The following OCA2 variants were observed in gnomAD, a reference collection of about 807,000 sequenced individuals.
The protein encoded by OCA2 is OCA2 melanosomal transmembrane protein.
OCA2 carries 77 observed loss-of-function variants against 100.2 expected under a neutral mutation model. The observed-to-expected ratio is 0.77, with a 90% CI of 0.64 to 0.93. OCA2 has a LOEUF of 0.93. Ranked by LOEUF, OCA2 falls within the 40% of genes least tolerant of loss-of-function variation. The pLI is 0.00. For synonymous variants in OCA2, 432 were observed against 439.2 expected (o/e 0.98, Z 0.21); for missense variants, 1,062 against 1,089.1 (o/e 0.98, Z 0.35).
intron 2 of OCA2, among the ~76,000 whole-genome samples, chr15:28,078,335 C>T (rs2044500941): frequency 6.6e-6 from 1 of 152,196 alleles, no homozygotes; most frequent in South Asian, 2.1e-4. Context: ...CTGAGTGGCT[C>T]CCAGGAATTG....
intron 19 of OCA2, among the ~76,000 whole-genome samples, chr15:27,913,920 CAAGCAAGCAAGA>C (rs1168756912): frequency 9.1e-4 from 53 of 58,112 alleles, no homozygotes; most frequent in Middle Eastern, 8.3e-3. Context: ...AGCAAGCAAG[CAAGCAAGCAAGA>C]AAGAAAGAAA....
the OCA2 span, among the ~76,000 whole-genome samples, chr15:27,725,385 T>C: frequency 6.6e-6 from 1 of 152,160 alleles, no homozygotes; most frequent in Admixed American, 6.5e-5. Flanking sequence ...AAGATCAGCC[T>C]GGCCAACATG....
chr15:28,009,617 G>T (rs1386400480), intron 9 of OCA2, among the ~76,000 whole-genome samples: 1 of 151,360 alleles, frequency 6.6e-6, no homozygotes, highest in Non-Finnish European at 1.5e-5. Context: ...GAACCCACAA[G>T]GCGCAGGTTG....
At chr15:27,950,439 T>A in intron 18 of OCA2, 1 of 446,902 alleles carries the variant, frequency 2.2e-6, no homozygotes, top group East Asian at 6.0e-5. Context: ...ATCCACCAAA[T>A]ACAATTGAAA....
chr15:27,835,558 G>T (rs1415024101), intron 23 of OCA2, among the ~76,000 whole-genome samples: 1 of 152,224 alleles, frequency 6.6e-6, no homozygotes, highest in East Asian at 1.9e-4. Context: ...GTAGAGTTAG[G>T]CGTGAAATCG....
rs147656829 is a variant in OCA2 at position 28,059,559 on chromosome 15, A to C, written c.227+22089T>G. On this transcript the variant is annotated intron_variant, in intron 2 of 23. Coordinates refer to ENST00000354638, the MANE Select transcript of OCA2 (RefSeq NM_000275.3). ...CTGTCTCAGAAATAGTAATAATAATAATCATCATCATCATAAGACAAATCT... is the reference window on the plus strand; with the variant it reads ...CTGTCTCAGAAATAGTAATAATAATCATCATCATCATCATAAGACAAATCT... 7.7e-3 allele frequency among the ~76,000 whole-genome samples: 1,168 copies of C among 152,300 alleles called. 6 individuals carry two copies. Among genetic ancestry groups the C allele is most frequent in the Middle Eastern group, 0.014 (4 of 294 alleles).
intron 21 of OCA2, among the ~76,000 whole-genome samples, chr15:27,865,790 C>T (rs1164206243): frequency 3.3e-5 from 5 of 152,158 alleles, no homozygotes; most frequent in Admixed American, 2.6e-4. Context: ...CTCTCTACAT[C>T]AGCAGCAGGT....
At chr15:27,896,937 T>C (rs1033068176) in intron 19 of OCA2, among the ~76,000 whole-genome samples, 6 of 152,072 alleles carry the variant, frequency 3.9e-5, no homozygotes, top group African/African-American at 1.4e-4. Flanking sequence ...ACGCCTATAA[T>C]CCCAGCACTC....
chr15:28,023,268 T>C (rs1352951356), intron 5 of OCA2, among the ~76,000 whole-genome samples: 1 of 152,190 alleles, frequency 6.6e-6, no homozygotes, highest in African/African-American at 2.4e-5. Flanking sequence ...CAGAGCTCAA[T>C]GTAATTGGTT....
intron 2 of OCA2, among the ~76,000 whole-genome samples, chr15:28,080,388 T>C (rs1401075207): frequency 6.6e-6 from 1 of 152,136 alleles, no homozygotes; most frequent in East Asian, 1.9e-4. Flanking sequence ...CAGGAGAACA[T>C]GTATTAATGG....
At chr15:27,948,987 C>T (rs1316527172) in intron 18 of OCA2, among the ~76,000 whole-genome samples, 1 of 152,150 alleles carries the variant, frequency 6.6e-6, no homozygotes, top group Non-Finnish European at 1.5e-5. Context: ...CGGAGCTGGC[C>T]TGTGCTCTGA....
intron 23 of OCA2, among the ~76,000 whole-genome samples, chr15:27,822,738 T>A (rs1305094459): frequency 6.6e-6 from 1 of 152,204 alleles, no homozygotes; most frequent in African/African-American, 2.4e-5. Context: ...TGGGGTGGTC[T>A]GGGGTTTTTC....
At chr15:27,825,477 C>A (rs904657026) in intron 23 of OCA2, among the ~76,000 whole-genome samples, 1 of 152,146 alleles carries the variant, frequency 6.6e-6, no homozygotes, top group Admixed American at 6.5e-5. Flanking sequence ...AGGGAAGCGG[C>A]CCGGCTGGGA....
At chr15:27,962,416 C>A (rs898061387) in intron 15 of OCA2, among the ~76,000 whole-genome samples, 2 of 152,172 alleles carry the variant, frequency 1.3e-5, no homozygotes, top group Non-Finnish European at 2.9e-5. Context: ...AGAGTGGCCA[C>A]ATACATGTTT....
chr15:27,973,089 C>T (rs560127407), intron 14 of OCA2, among the ~76,000 whole-genome samples: 19 of 152,128 alleles, frequency 1.2e-4, no homozygotes, highest in Non-Finnish European at 1.6e-4. Flanking sequence ...AGGCTGGTCT[C>T]TAACTCCTGA....
intron 13 of OCA2, among the ~76,000 whole-genome samples, chr15:27,984,079 C>T (rs888476194): frequency 8.6e-5 from 13 of 151,496 alleles, no homozygotes; most frequent in African/African-American, 3.2e-4. Flanking sequence ...ATAACCATCC[C>T]CTTAAATATC....
chr15:28,039,211 C>A (rs768731753), intron 2 of OCA2, among the ~76,000 whole-genome samples: 1 of 152,070 alleles, frequency 6.6e-6, no homozygotes, highest in Non-Finnish European at 1.5e-5. Context: ...TTGAAGACTT[C>A]AATACTTCAC....
At chr15:28,056,814 CA>C (rs909989127) in intron 2 of OCA2, among the ~76,000 whole-genome samples, 47 of 152,240 alleles carry the variant, frequency 3.1e-4, no homozygotes, top group African/African-American at 1.1e-3. Flanking sequence ...TATGAATATT[CA>C]GGTGCTAGAC....
intron 9 of OCA2, among the ~76,000 whole-genome samples, chr15:27,996,150 T>G (rs2041720569): frequency 6.6e-6 from 1 of 151,868 alleles, no homozygotes. Context: ...ATAAAAGAAA[T>G]AAAATGGAAA....
Sources: gnomAD v4.1 joint callset for allele counts (sites outside exome capture counted in the v4.1 genomes callset) on GRCh38, gnomAD v4.1.1 for gene constraint, MANE v1.5 for transcripts, NCBI Gene and HGNC (gene_info 2026-07-23, HGNC 2026-07-21) for gene names.